SH3TC2: variants seen among roughly 807,000 people sequenced by gnomAD.
SH3TC2 encodes SH3 domain and tetratricopeptide repeats 2, also known as SH3 domain and tetratricopeptide repeat-containing protein 2.
In SH3TC2, 87 loss-of-function variants were observed where a neutral mutation model predicts 124.5. The ratio of observed to expected loss-of-function variants is 0.70; its 90% confidence interval spans 0.59 to 0.84. The LOEUF is 0.84. SH3TC2 is among the 40% of genes least tolerant of loss of function. The probability of loss-of-function intolerance (pLI) is 0.00; values close to 1 mark genes in which losing one functional copy is unlikely to be tolerated. For synonymous variants in SH3TC2, 634 were observed against 628.5 expected (o/e 1.01, Z -0.13); for missense variants, 1,536 against 1,566.4 (o/e 0.98, Z 0.33).
At chr5:149,012,477 G>A (rs1753799751) in intron 13 of SH3TC2, 107 bp downstream of exon 13, 3 of 1,423,076 alleles carry the variant, frequency 2.1e-6, no homozygotes, top group Non-Finnish European at 3.0e-6. Context: ...ACAGGCTTAG[G>A]GTGAACATCA....
chr5:149,039,885 A>G (rs191622133), intron 7 of SH3TC2, among the ~76,000 whole-genome samples: 96 of 142,322 alleles, frequency 6.7e-4, no homozygotes, highest in African/African-American at 2.5e-3. Flanking sequence ...CCATAATCCT[A>G]TTTCTTTTTT....
intron 12 of SH3TC2, among the ~76,000 whole-genome samples, chr5:149,024,369 T>G (rs1386424883): frequency 6.6e-6 from 1 of 152,214 alleles, no homozygotes; most frequent in African/African-American, 2.4e-5. Context: ...CCACAAGACC[T>G]TCTGAACATA....
At chr5:149,006,291 C>G (rs956181739) in intron 16 of SH3TC2, 2 of 111,348 alleles carry the variant, frequency 1.8e-5, no homozygotes, top group African/African-American at 3.0e-5. Context: ...AAAAGAAGTT[C>G]TAGATTCAGC....
rs187821058 is a variant in SH3TC2 at position 148,997,177 on chromosome 5, T to C, written c.*7534A>G. ...ATGATCTTCCTTCTGCTACCACCAT[T>C]GGAGCTACGGGTACTATGATGGGTG... On this transcript the variant is annotated 3_prime_UTR_variant, in exon 17 of 17. Transcript: ENST00000515425. 1.9e-3 allele frequency among the ~76,000 whole-genome samples: 293 copies of C among 152,304 alleles called. 3 individuals carry two copies. Among genetic ancestry groups the C allele is most frequent in the Non-Finnish European group, 2.4e-4 (16 of 68,018 alleles).
In SH3TC2 at chr5:149,029,362, G is replaced by C. The variant is rs558714103; in HGVS notation, c.1136-644C>G. ...CTGAAGTAGAGGATGGGAGAATCTG[G>C]AGTGCAGTTTTAGACCTTTGGGGTT... is the stretch of plus-strand genomic sequence containing the variant. On this transcript the variant is annotated intron_variant, in intron 9 of 16. Transcript: ENST00000515425. 1.1e-4 allele frequency among the ~76,000 whole-genome samples: 16 copies of C among 152,310 alleles called. No homozygotes were observed. The South Asian group carries it at 3.3e-3, about 32-fold the overall frequency.
At chr5:149,059,433 A>G (rs545581934) in intron 1 of SH3TC2, among the ~76,000 whole-genome samples, 13 of 151,756 alleles carry the variant, frequency 8.6e-5, no homozygotes, top group African/African-American at 2.7e-4. Context: ...ACCCACCACC[A>G]TGCTCAACTT....
chr5:149,054,892 C>G (rs1754615945), intron 1 of SH3TC2, among the ~76,000 whole-genome samples: 1 of 152,116 alleles, frequency 6.6e-6, no homozygotes, highest in African/African-American at 2.4e-5. Flanking sequence ...GTGAGCCCAC[C>G]TTGAAGAAGG....
intron 1 of SH3TC2, among the ~76,000 whole-genome samples, chr5:149,061,293 G>A (rs1198062946): frequency 2.0e-5 from 3 of 152,172 alleles, no homozygotes; most frequent in Non-Finnish European, 4.4e-5. Flanking sequence ...TTGGCTGAAG[G>A]ACGATGTCAA....
chr5:149,011,298 G>C (rs1026041672), intron 13 of SH3TC2, among the ~76,000 whole-genome samples: 6 of 152,228 alleles, frequency 3.9e-5, no homozygotes, highest in Non-Finnish European at 7.3e-5. Context: ...CAGAGAGAGA[G>C]AGGGGCAGTG....
At position 149,027,639 on chromosome 5, in the gene SH3TC2, A is replaced by G. The variant is rs769269196; in HGVS notation, c.2093T>C (p.Ile698Thr). Reference sequence around the variant, plus strand: ...AAGAGACATCCCTTGGGCACTCTGGATACCATGTTGCTGGACAGAGGCCAC... The same window carrying G: ...AAGAGACATCCCTTGGGCACTCTGGGTACCATGTTGCTGGACAGAGGCCAC... ...LAVASVQQHG[I>T]QSAQGMSLPI... Residue 698 changes from isoleucine to threonine, a missense_variant, in exon 11 of 17, where the codon ATC becomes ACC. Around this residue, in one of 3 missense-constraint regions of SH3TC2, gnomAD observed 1,102 missense variants for 1,098.6 expected, o/e 1.00. Transcript: ENST00000515425. The G allele has an allele frequency of 6.2e-6, 10 of 1,614,136 alleles. No individual in the cohort carries two copies. The highest frequency in any genetic ancestry group is 8.5e-6 in the Non-Finnish European group (10 of 1,180,044).
Position 149,008,924 on chromosome 5 carries a change from C to A in SH3TC2, c.3405G>T (p.Leu1135=). Residue 1135 remains leucine (L), a synonymous_variant, in exon 15 of 17, where the codon CTG becomes CTT. Coordinates refer to ENST00000515425, the MANE Select transcript of SH3TC2 (RefSeq NM_024577.4). ...ELRIFNKLTE[L]QISLEGYEKA... The stretch of plus-strand genomic sequence containing the variant: ...TCTCATAGCCTTCGAGGCTAATCTG[C>A]AGCTCTGTCAGCTTATTGAAAATCC... 3.1e-6 allele frequency: 5 copies of A among 1,614,230 alleles called. No homozygotes were observed. Among genetic ancestry groups the A allele is most frequent in the Non-Finnish European group, 4.2e-6 (5 of 1,180,046 alleles).
Position 149,028,437 on chromosome 5 carries a change from A to G in SH3TC2, c.1295T>C (p.Leu432Pro), listed in dbSNP as rs1026488811. The G allele has an allele frequency of 6.2e-7, 1 of 1,613,394 alleles. No individual in the cohort carries two copies. Among genetic ancestry groups the G allele is most frequent in the Middle Eastern group, 1.6e-4 (1 of 6,062 alleles). Residue 432 changes from leucine (L) to proline (P), a missense_variant, in exon 11 of 17, where the codon CTC becomes CCC. Physicochemically the swap from Leu to Pro is moderately conservative, Grantham distance 98. This residue lies in a region of SH3TC2 where 1,102 missense variants were observed against 1,098.6 expected (regional missense o/e 1.00). Coordinates refer to ENST00000515425, the MANE Select transcript of SH3TC2 (RefSeq NM_024577.4). ...GCGATAGCTGTCTGAGGTGGCCGAG[A>G]GGAGCTCCTCCTCCAGGCTGGAGTC... ...SEDSSLEEEL[L>P]SATSDSYRLP... is the part of the protein sequence containing the mutation.
intron 14 of SH3TC2, among the ~76,000 whole-genome samples, chr5:149,009,296 G>A (rs1036787959): frequency 2.6e-5 from 4 of 152,222 alleles, no homozygotes; most frequent in Admixed American, 6.5e-5. Context: ...GTGGAAAGTC[G>A]TTCCCTTCTC....
intron 1 of SH3TC2, among the ~76,000 whole-genome samples, chr5:149,061,501 A>C (rs1036021294): frequency 1.3e-5 from 2 of 152,242 alleles, no homozygotes; most frequent in African/African-American, 2.4e-5. Flanking sequence ...TGTGCACCAG[A>C]CTGTTTCACC....
Position 148,986,563 on chromosome 5 carries a change from G to C in SH3TC2, c.*18148C>G, listed in dbSNP as rs962520509. On this transcript the variant is annotated 3_prime_UTR_variant, in exon 17 of 17. Transcript: ENST00000515425. ...CAACCTCCATCAACTACATTGCTTA[G>C]AATGCAGTAAGTTCTTAATAAATGC... Among the ~76,000 whole-genome samples the C allele has an allele frequency of 2.0e-5, 3 of 152,212 alleles. No individual in the cohort carries two copies. The highest frequency in any genetic ancestry group is 2.9e-5 in the Non-Finnish European group (2 of 68,034).
At position 148,996,308 on chromosome 5, in the gene SH3TC2, T is replaced by C. The variant is rs143345885; in HGVS notation, c.*8403A>G. ...GAGAGAAACAGACAGATGGACTTTA[T>C]ACAACTTGGAAAGAAAGAAAAGAAT... On this transcript the variant is annotated 3_prime_UTR_variant, in exon 17 of 17. Transcript: ENST00000515425. 6.7e-4 allele frequency among the ~76,000 whole-genome samples: 102 copies of C among 152,022 alleles called. No homozygotes were observed. Among genetic ancestry groups the C allele is most frequent in the African/African-American group, 2.4e-3 (99 of 41,468 alleles).
chr5:149,026,767 G>A lies in SH3TC2; in HGVS notation c.2873-15C>T. ...CTGAAGCTGACCTGAACACAAAGCA[G>A]GGACATGAATGAGATGACTTGAGAT... On this transcript the variant is annotated splice_polypyrimidine_tract_variant and intron_variant, in intron 11 of 16. Transcript: ENST00000515425. 1.9e-6 allele frequency: 3 copies of A among 1,614,196 alleles called. No homozygotes were observed. The Middle Eastern group carries it at 4.9e-4, about 266-fold the overall frequency.
chr5:149,030,277 T>C (rs975863643), intron 9 of SH3TC2, among the ~76,000 whole-genome samples: 14 of 152,182 alleles, frequency 9.2e-5, no homozygotes, highest in African/African-American at 3.4e-4. Context: ...GAAGCTGCAA[T>C]TTACCAACAA....
chr5:149,003,573 G>A lies in SH3TC2; in HGVS notation c.*1138C>T. 1 of 185,670 alleles carries A rather than the reference G, an allele frequency of 5.4e-6. No individual in the cohort carries two copies. Among genetic ancestry groups the A allele is most frequent in the South Asian group, 8.1e-5 (1 of 12,354 alleles). The allele number at this position is 185,670 out of a possible 1,614,324, so 11.5% of individuals were successfully genotyped here. A position where few individuals can be genotyped will look rare whatever the true frequency, so the allele number is the denominator to read the frequency against. On this transcript the variant is annotated 3_prime_UTR_variant, in exon 17 of 17. Transcript: ENST00000515425. ...ACCCTAAGCTGGTGGGCTCAGCTAA[G>A]TCATGCTTGGATTCCTGCCCTTCAG...
Sources: allele counts gnomAD v4.1 joint callset (sites outside exome capture counted in the v4.1 genomes callset), GRCh38; gene constraint gnomAD v4.1.1; regional missense constraint gnomAD v4.1.1; transcripts MANE v1.5; gene names NCBI Gene and HGNC (gene_info 2026-07-23, HGNC 2026-07-21).